SRGAP3: variants seen among roughly 807,000 people sequenced by gnomAD.
SRGAP3 encodes the protein SLIT-ROBO Rho GTPase activating protein 3, also known as SLIT-ROBO Rho GTPase-activating protein 3.
In SRGAP3, 39 loss-of-function variants were observed where a neutral mutation model predicts 121.1. The ratio of observed to expected loss-of-function variants is 0.32; its 90% CI spans 0.25 to 0.42. SRGAP3 has a LOEUF of 0.42. Among genes scored for constraint, SRGAP3 ranks in the 10% least tolerant of loss-of-function variants. The pLI is 1.00. For missense variants in SRGAP3, 1,213 were observed against 1,470.6 expected, an observed-to-expected ratio of 0.82 and a Z score of 2.86; for synonymous variants, 601 against 570.0, an observed-to-expected ratio of 1.05 and a Z score of -0.77.
At chr3:9,142,316 GC>G (rs1167615896) in intron 1 of SRGAP3, among the ~76,000 whole-genome samples, 1 of 152,038 alleles carries the variant, frequency 6.6e-6, no homozygotes, top group Non-Finnish European at 1.5e-5. Context: ...AAAAAATCTT[GC>G]TCACACATTC....
At chr3:8,991,103 G>A (rs1242697680) in intron 20 of SRGAP3, among the ~76,000 whole-genome samples, 2 of 152,184 alleles carry the variant, frequency 1.3e-5, no homozygotes, top group Admixed American at 6.5e-5. Context: ...GCCGCCAACC[G>A]CAAAATGCAT....
chr3:9,281,176 A>G (rs1954669997), intron 3 of SRGAP3, among the ~76,000 whole-genome samples: 1 of 152,220 alleles, frequency 6.6e-6, no homozygotes, highest in Non-Finnish European at 1.5e-5. Flanking sequence ...TCACAGTGAT[A>G]GCATTAAGAA....
chr3:8,998,521 G>C (rs1942550939), intron 18 of SRGAP3, among the ~76,000 whole-genome samples: 1 of 142,186 alleles, frequency 7.0e-6, no homozygotes. Flanking sequence ...GTGTATTTAT[G>C]TGTTTGTGGT....
intron 1 of SRGAP3, among the ~76,000 whole-genome samples, chr3:9,219,776 G>A (rs1326008431): frequency 3.3e-5 from 5 of 152,104 alleles, no homozygotes; most frequent in Middle Eastern, 3.2e-3. Context: ...GTGTGAACCC[G>A]GGAGGTGGAG....
intron 10 of SRGAP3, among the ~76,000 whole-genome samples, chr3:9,039,456 C>G (rs1306270122): frequency 6.6e-6 from 1 of 152,216 alleles, no homozygotes; most frequent in Non-Finnish European, 1.5e-5. Context: ...CTCAGATGCA[C>G]TGCAATCTTT....
chr3:9,301,297 TC>T (rs1955049637), intron 3 of SRGAP3, among the ~76,000 whole-genome samples: 1 of 152,186 alleles, frequency 6.6e-6, no homozygotes, highest in Non-Finnish European at 1.5e-5. Flanking sequence ...TTGCATTACA[TC>T]CGGGATGGCC....
At chr3:9,213,767 A>G (rs749344331) in intron 1 of SRGAP3, among the ~76,000 whole-genome samples, 83 of 152,242 alleles carry the variant, frequency 5.5e-4, no homozygotes, top group Non-Finnish European at 6.3e-4. Context: ...ACTTCTTGTG[A>G]CATTCTCTGC....
chr3:9,105,394 G>T (rs1948383898), intron 2 of SRGAP3, among the ~76,000 whole-genome samples: 1 of 152,172 alleles, frequency 6.6e-6, no homozygotes, highest in South Asian at 2.1e-4. Context: ...CTCAGATTCT[G>T]TGTTCAGGAG....
intron 1 of SRGAP3, among the ~76,000 whole-genome samples, chr3:9,230,922 G>A (rs965819207): frequency 6.6e-6 from 1 of 151,792 alleles, no homozygotes; most frequent in Non-Finnish European, 1.5e-5. Flanking sequence ...ACATGAAAAG[G>A]GGCCAAAGCT....
intron 21 of SRGAP3, among the ~76,000 whole-genome samples, chr3:8,989,826 G>A (rs1237447668): frequency 2.0e-5 from 3 of 152,182 alleles, no homozygotes; most frequent in Non-Finnish European, 4.4e-5. Flanking sequence ...AGAAGAACCT[G>A]GAACATTCTT....
chr3:9,064,155 C>T (rs1946308929), intron 5 of SRGAP3, among the ~76,000 whole-genome samples: 1 of 152,248 alleles, frequency 6.6e-6, no homozygotes, highest in African/African-American at 2.4e-5. Flanking sequence ...CGTCTGCCTG[C>T]TGACCTTAGC....
rs535707268 is a variant in SRGAP3, at chr3:9,191,797, T to G, written c.67+57088A>C. 2.6e-5 allele frequency among the ~76,000 whole-genome samples: 4 copies of G among 152,330 alleles called. No homozygotes were observed. The East Asian group carries it at 7.7e-4, about 29-fold the overall frequency. On this transcript the variant is annotated intron_variant, in intron 1 of 21. Transcript: ENST00000383836. Reference sequence around the variant, plus strand: ...CTGGATCATGGGGGCAGATTTCTCATGAATGATTAGCACCATCCCCCTTGG... The same window carrying G: ...CTGGATCATGGGGGCAGATTTCTCAGGAATGATTAGCACCATCCCCCTTGG...
intron 3 of SRGAP3, among the ~76,000 whole-genome samples, chr3:9,299,440 C>A (rs1170647959): frequency 1.3e-5 from 2 of 151,998 alleles, no homozygotes; most frequent in African/African-American, 2.4e-5. Flanking sequence ...TCCCCATCCA[C>A]CATGTTACTG....
At position 9,163,986 on chromosome 3, in the gene SRGAP3, C is replaced by CTTTTTT. The variant is rs767652463; in HGVS notation, c.68-39075_68-39070dup. Reference sequence around the variant, plus strand: ...TTTAATGCTCCCAGCAACTACTATTCTTTTTTTTTTTTTTTTTTTTTTTTT... The same window carrying CTTTTTT: ...TTTAATGCTCCCAGCAACTACTATTCTTTTTTTTTTTTTTTTTTTTTTTTTTTTTTT... On this transcript the variant is annotated intron_variant, in intron 1 of 21. Transcript: ENST00000383836. Among the ~76,000 whole-genome samples, 31 of 83,324 alleles carry CTTTTTT rather than the reference C, an allele frequency of 3.7e-4. 2 individuals are homozygous for CTTTTTT. Among genetic ancestry groups the CTTTTTT allele is most frequent in the African/African-American group, 5.0e-4 (10 of 19,966 alleles). 54.7% of individuals were successfully genotyped at this position (83,324 alleles called of 152,430 possible). A position where few individuals can be genotyped will look rare whatever the true frequency, so the allele number is the denominator to read the frequency against.
intron 14 of SRGAP3, 124 bp downstream of exon 14, chr3:9,025,137 T>C (rs1944122446): frequency 2.1e-6 from 2 of 947,084 alleles, no homozygotes; most frequent in South Asian, 2.6e-5. Context: ...GGAAGAGATG[T>C]GCACAATCAG....
intron 3 of SRGAP3, among the ~76,000 whole-genome samples, chr3:9,297,329 T>C (rs1333793567): frequency 6.6e-6 from 1 of 152,046 alleles, no homozygotes; most frequent in Admixed American, 6.6e-5. Context: ...CACTTGTGGG[T>C]AAGAATAATA....
At chr3:9,125,612 C>G (rs975554393) in intron 1 of SRGAP3, among the ~76,000 whole-genome samples, 1 of 152,220 alleles carries the variant, frequency 6.6e-6, no homozygotes, top group Non-Finnish European at 1.5e-5. Flanking sequence ...ATTGCTCAAA[C>G]CAGATCTACG....
At position 9,346,006 on chromosome 3, in the gene SRGAP3, C is replaced by T. The variant is rs541125548; in HGVS notation, n.215-15410G>A. On this transcript the variant is annotated intron_variant and non_coding_transcript_variant, in intron 1 of 3. Transcript: ENST00000490889. Reference sequence around the variant, plus strand: ...CAAGGACTTTCATTTTTACATATGACTTAAGTCCTTAATAGCTTCCTTTGT... The same window carrying T: ...CAAGGACTTTCATTTTTACATATGATTTAAGTCCTTAATAGCTTCCTTTGT... Among the ~76,000 whole-genome samples the T allele has an allele frequency of 1.8e-4, 28 of 152,180 alleles. No homozygotes were observed. The East Asian group carries it at 5.2e-3, about 28-fold the overall frequency.
intron 1 of SRGAP3, among the ~76,000 whole-genome samples, chr3:9,241,905 CA>C (rs1355551486): frequency 6.6e-6 from 1 of 151,624 alleles, no homozygotes; most frequent in Non-Finnish European, 1.5e-5. Flanking sequence ...GGTGAGACCC[CA>C]TCCCTACCAA....
Sources: allele counts gnomAD v4.1 joint callset (sites outside exome capture counted in the v4.1 genomes callset), GRCh38; gene constraint gnomAD v4.1.1; transcripts MANE v1.5; gene names NCBI Gene and HGNC (gene_info 2026-07-23, HGNC 2026-07-21).